RARS2: variants seen among roughly 807,000 people sequenced by gnomAD.
RARS2 encodes the protein arginyl-tRNA synthetase 2, mitochondrial, also known as probable arginine--tRNA ligase, mitochondrial.
RARS2 carries 67 observed loss-of-function variants against 88.5 expected under a neutral mutation model. The ratio of observed to expected loss-of-function variants is 0.76; its 90% CI spans 0.62 to 0.93. The LOEUF (loss-of-function observed/expected upper bound fraction) is 0.93, where lower values mean the gene tolerates loss of function less well. Ranked by LOEUF, RARS2 falls within the 40% of genes least tolerant of loss-of-function variation. RARS2 has a pLI of 0.00. For missense variants in RARS2, 664 were observed against 684.2 expected (o/e 0.97, Z 0.33); for synonymous variants, 239 against 230.3 (o/e 1.04, Z -0.34).
intron 8 of RARS2, among the ~76,000 whole-genome samples, chr6:87,539,667 A>G (rs917771805): frequency 7.2e-5 from 11 of 152,344 alleles, no homozygotes; most frequent in African/African-American, 2.4e-4. Flanking sequence ...AACCAGACAC[A>G]GCAGTAAGGT....
At chr6:87,568,008 C>T (rs1259905850) in intron 2 of RARS2, among the ~76,000 whole-genome samples, 2 of 151,822 alleles carry the variant, frequency 1.3e-5, no homozygotes, top group African/African-American at 4.8e-5. Flanking sequence ...CCTGACCTCA[C>T]GATCTGCCTG....
At chr6:87,538,333 ATTATTCGACTTTTTAG>A in intron 8 of RARS2, among the ~76,000 whole-genome samples, 1 of 152,308 alleles carries the variant, frequency 6.6e-6, no homozygotes, top group Middle Eastern at 3.4e-3. Context: ...CAACACCATT[ATTATTCGACTTTTTAG>A]TTATTCACAG....
At chr6:87,539,028 T>C (rs1582477900) in intron 8 of RARS2, among the ~76,000 whole-genome samples, 1 of 145,354 alleles carries the variant, frequency 6.9e-6, no homozygotes, top group African/African-American at 2.6e-5. Context: ...AGTAAGATCC[T>C]GTCTCACATA....
intron 8 of RARS2, among the ~76,000 whole-genome samples, chr6:87,540,461 A>C (rs1048902113): frequency 1.3e-5 from 2 of 151,824 alleles, no homozygotes; most frequent in East Asian, 1.9e-4. Context: ...AAAAAAAAAA[A>C]AAAAAAAAAC....
chr6:87,583,187 G>A (rs1774123980), intron 1 of RARS2, among the ~76,000 whole-genome samples: 1 of 152,184 alleles, frequency 6.6e-6, no homozygotes, highest in African/African-American at 2.4e-5. Flanking sequence ...GTGGCAAAAT[G>A]TTAATAACTG....
rs111506505 is a variant in RARS2 at position 87,585,073 on chromosome 6, A to C, written c.36+4849T>G. On this transcript the variant is annotated intron_variant, in intron 1 of 19. Coordinates refer to ENST00000369536, the MANE Select transcript of RARS2 (RefSeq NM_020320.5). ...GTATTCCTGGAACTGGGGATAATCAAAAGTCAACATGGCAGATTAGCATCC... is the reference window on the plus strand; with the variant it reads ...GTATTCCTGGAACTGGGGATAATCACAAGTCAACATGGCAGATTAGCATCC... Among the ~76,000 whole-genome samples the C allele has an allele frequency of 7.0e-3, 1,070 of 152,330 alleles. 8 individuals carry two copies. The highest frequency in any genetic ancestry group is 0.025 in the African/African-American group (1,029 of 41,564).
At chr6:87,517,690 G>A (rs147649951) in intron 17 of RARS2, among the ~76,000 whole-genome samples, 1 of 152,276 alleles carries the variant, frequency 6.6e-6, no homozygotes, top group East Asian at 1.9e-4. Context: ...AACAATGCCC[G>A]TCAGAGCTAA....
rs773095676 is a variant in RARS2, at chr6:87,520,297, A to G, written c.1036-41T>C. 2.8e-6 allele frequency: 4 copies of G among 1,430,374 alleles called. No individual in the cohort carries two copies. In the East Asian group the frequency reaches 6.9e-5, roughly 25 times the overall value. The allele number at this position is 1,430,374 out of a possible 1,614,324, so 88.6% of individuals were successfully genotyped here. A position where few individuals can be genotyped will look rare whatever the true frequency, so the allele number is the denominator to read the frequency against. ...TATATAAAATAAAAGAATACTGACA[A>G]ATTAATGTATAAAAATAGGTTGGAC... is the stretch of plus-strand genomic sequence containing the variant. On this transcript the variant is annotated intron_variant, in intron 12 of 19. Transcript: ENST00000369536.
In RARS2 at chr6:87,548,588, T is replaced by TAA; in HGVS notation, c.451+2_451+3insTT. The stretch of plus-strand genomic sequence containing the variant: ...AGCATTTTATGTGAAACTAAACACT[T>TAA]ACCTATGATGGTAGAACGCAAATGT... On this transcript the variant is annotated splice_region_variant and intron_variant, in intron 6 of 19. Coordinates refer to ENST00000369536, the MANE Select transcript of RARS2 (RefSeq NM_020320.5). The TAA allele has an allele frequency of 6.2e-7, 1 of 1,612,280 alleles. No homozygotes were observed. Among genetic ancestry groups the TAA allele is most frequent in the Non-Finnish European group, 8.5e-7 (1 of 1,178,990 alleles).
chr6:87,572,583 G>T (rs1246463934), intron 1 of RARS2, among the ~76,000 whole-genome samples: 1 of 151,806 alleles, frequency 6.6e-6, no homozygotes, highest in African/African-American at 2.4e-5. Context: ...TTTCCCCAGA[G>T]AAAAGGTCTC....
At chr6:87,534,215 A>G (rs900497273) in intron 8 of RARS2, among the ~76,000 whole-genome samples, 21 of 152,236 alleles carry the variant, frequency 1.4e-4, no homozygotes, top group Admixed American at 1.4e-3. Context: ...TACTGCAAAC[A>G]GTTAATAATA....
chr6:87,569,038 A>AC (rs1768817273), intron 2 of RARS2, among the ~76,000 whole-genome samples: 1 of 152,186 alleles, frequency 6.6e-6, no homozygotes, highest in South Asian at 2.1e-4. Context: ...TGTAGTCCTA[A>AC]CCAACAGTTT....
chr6:87,589,815 T>A (rs1776453889), intron 1 of RARS2, 107 bp downstream of exon 1: 1 of 1,611,740 alleles, frequency 6.2e-7, no homozygotes, highest in Admixed American at 1.7e-5. Context: ...CTAACAGGAT[T>A]CCGTGGGACC....
rs372530245 is a variant in RARS2, at chr6:87,573,204, C to T, written c.37-3614G>A. ...CAGAAAACTCAATCATGGCAGAAAG[C>T]GAAAGGGAAGCAGGCACATCTCACA... is the stretch of plus-strand genomic sequence containing the variant. On this transcript the variant is annotated intron_variant, in intron 1 of 19. Transcript: ENST00000369536. Among the ~76,000 whole-genome samples the T allele has an allele frequency of 2.6e-5, 4 of 151,934 alleles. No individual in the cohort carries two copies. The East Asian group carries it at 7.7e-4, about 29-fold the overall frequency.
chr6:87,583,529 C>A (rs752331735), intron 1 of RARS2, among the ~76,000 whole-genome samples: 2 of 150,372 alleles, frequency 1.3e-5, no homozygotes, highest in Non-Finnish European at 2.9e-5. Flanking sequence ...GTGGAGGTTG[C>A]GGTGAGCCGA....
chr6:87,534,802 A>G (rs558600281), intron 8 of RARS2, among the ~76,000 whole-genome samples: 63 of 152,312 alleles, frequency 4.1e-4, no homozygotes, highest in South Asian at 8.3e-4. Flanking sequence ...GGGGTGGTGC[A>G]GGCCCACAGT....
chr6:87,525,797 C>T (rs1775493759), intron 10 of RARS2, among the ~76,000 whole-genome samples: 1 of 152,006 alleles, frequency 6.6e-6, no homozygotes, highest in Non-Finnish European at 1.5e-5. Context: ...TCCGCGCCCC[C>T]GGCCTCCCAA....
At chr6:87,532,275 T>C (rs767053525) in intron 8 of RARS2, among the ~76,000 whole-genome samples, 3 of 152,194 alleles carry the variant, frequency 2.0e-5, no homozygotes, top group Non-Finnish European at 2.9e-5. Flanking sequence ...ATTTAAAACA[T>C]CCTGCTTGCA....
chr6:87,531,320 T>A (rs1185720851), intron 8 of RARS2, among the ~76,000 whole-genome samples: 1 of 152,198 alleles, frequency 6.6e-6, no homozygotes, highest in African/African-American at 2.4e-5. Flanking sequence ...AGGGTAAGAA[T>A]ACCTATTTAA....
Sources: gnomAD v4.1 joint callset for allele counts (sites outside exome capture counted in the v4.1 genomes callset) on GRCh38, gnomAD v4.1.1 for gene constraint, MANE v1.5 for transcripts, NCBI Gene and HGNC (gene_info 2026-07-23, HGNC 2026-07-21) for gene names.